Variants in KCNMA1 observed in about 807,000 individuals in gnomAD.
KCNMA1 encodes Calcium-activated potassium channel subunit alpha-1.
Under a neutral mutation model 140.0 loss-of-function variants are expected in KCNMA1, and 29 were observed. The observed-to-expected ratio is 0.21, with a 90% CI of 0.15 to 0.28. The LOEUF is 0.28. KCNMA1 is among the 10% of genes least tolerant of loss of function. The probability of loss-of-function intolerance (pLI) is 1.00; values close to 1 mark genes in which losing one functional copy is unlikely to be tolerated. For synonymous variants in KCNMA1, 612 were observed against 611.9 expected (o/e 1.00, Z 0.00); for missense variants, 880 against 1,602.2 (o/e 0.55, Z 7.70).
At chr10:76,983,756 A>C (rs2080307489) in intron 19 of KCNMA1, among the ~76,000 whole-genome samples, 1 of 151,954 alleles carries the variant, frequency 6.6e-6, no homozygotes, top group Non-Finnish European at 1.5e-5. Context: ...AAAATTTAAT[A>C]ATGAAAAACA....
intron 20 of KCNMA1, among the ~76,000 whole-genome samples, chr10:76,965,820 G>C (rs953160379): frequency 1.3e-5 from 2 of 152,038 alleles, no homozygotes; most frequent in African/African-American, 2.4e-5. Context: ...ATCCAGTCTC[G>C]GTAAACCTAG....
chr10:77,595,900 T>C (rs2080804260), intron 1 of KCNMA1, among the ~76,000 whole-genome samples: 1 of 152,176 alleles, frequency 6.6e-6, no homozygotes. Flanking sequence ...TCCATCCGCC[T>C]CGACCTCCCA....
chr10:76,876,852 C>T (rs2032481044), downstream of KCNMA1: 1 of 152,262 alleles, frequency 6.6e-6, no homozygotes, highest in African/African-American at 2.4e-5. Context: ...CCGAAGTTGA[C>T]ATTACTCGCT....
intron 1 of KCNMA1, among the ~76,000 whole-genome samples, chr10:77,614,547 A>C (rs1482262744): frequency 1.3e-5 from 2 of 152,166 alleles, no homozygotes; most frequent in Non-Finnish European, 1.5e-5. Flanking sequence ...AAATGCCATT[A>C]TTCTACCTGG....
At chr10:77,636,125 C>G in intron 1 of KCNMA1, 1 of 1,041,294 alleles carries the variant, frequency 9.6e-7, no homozygotes, top group Non-Finnish European at 1.3e-6. Flanking sequence ...GATTTCCCTT[C>G]CCTCCAAAAC....
At chr10:77,075,521 C>T (rs186061687) in intron 13 of KCNMA1, among the ~76,000 whole-genome samples, 8 of 152,312 alleles carry the variant, frequency 5.3e-5, no homozygotes, top group Admixed American at 1.3e-4. Context: ...CTCTCCTATC[C>T]GCATGTGCTA....
rs140000855 is a variant in KCNMA1 at position 77,555,620 on chromosome 10, G to A, written c.378+81645C>T. On this transcript the variant is annotated intron_variant, in intron 1 of 27. Transcript: ENST00000286628. ...TTCTCACAGCTTTAAACAGAGTCCT[G>A]TGCTGAAGTGTTCCAACACTCCAGC... is the stretch of plus-strand genomic sequence containing the variant. 3.3e-5 allele frequency among the ~76,000 whole-genome samples: 5 copies of A among 152,290 alleles called. No homozygotes were observed. In the East Asian group the frequency reaches 9.7e-4, roughly 29 times the overall value.
At chr10:77,561,224 T>C (rs117981753) in intron 1 of KCNMA1, among the ~76,000 whole-genome samples, 1 of 152,150 alleles carries the variant, frequency 6.6e-6, no homozygotes, top group Non-Finnish European at 1.5e-5. Context: ...ACACATTATC[T>C]CCCTGGATGG....
chr10:77,132,057 A>T (rs1354634713), intron 5 of KCNMA1, among the ~76,000 whole-genome samples: 1 of 152,126 alleles, frequency 6.6e-6, no homozygotes, highest in East Asian at 1.9e-4. Flanking sequence ...CAAGAAATGC[A>T]CATATTACAC....
At chr10:77,115,939 T>C (rs2045175911) in intron 6 of KCNMA1, among the ~76,000 whole-genome samples, 1 of 152,208 alleles carries the variant, frequency 6.6e-6, no homozygotes, top group African/African-American at 2.4e-5. Flanking sequence ...GTCTGAAATG[T>C]GAACCTTGCC....
At chr10:77,420,245 CT>C (rs2096838811) in intron 1 of KCNMA1, among the ~76,000 whole-genome samples, 1 of 152,228 alleles carries the variant, frequency 6.6e-6, no homozygotes, top group Admixed American at 6.5e-5. Context: ...CCTCTTTGCT[CT>C]CTGTAAGCCT....
chr10:76,923,015 T>A (rs574464017), intron 23 of KCNMA1, among the ~76,000 whole-genome samples: 1 of 152,274 alleles, frequency 6.6e-6, no homozygotes, highest in South Asian at 2.1e-4. Flanking sequence ...AACAGTGACA[T>A]TTTTAGCGGT....
At chr10:77,282,192 T>TA (rs1481532793) in intron 2 of KCNMA1, among the ~76,000 whole-genome samples, 1 of 152,200 alleles carries the variant, frequency 6.6e-6, no homozygotes, top group African/African-American at 2.4e-5. Flanking sequence ...CTGTATGTTT[T>TA]ACCCAACAGG....
chr10:76,874,109 A>T (rs1353533511), downstream of KCNMA1: 1 of 152,222 alleles, frequency 6.6e-6, no homozygotes, highest in Non-Finnish European at 1.5e-5. Flanking sequence ...ACTGAGAAGA[A>T]AACCCTAGAA....
chr10:77,165,175 C>T lies in KCNMA1; in HGVS notation c.808+18246G>A, dbSNP rs575046414. 7.9e-5 allele frequency among the ~76,000 whole-genome samples: 12 copies of T among 152,182 alleles called. No homozygotes were observed. The East Asian group carries it at 2.3e-3, about 29-fold the overall frequency. The stretch of plus-strand genomic sequence containing the variant: ...GCTCTATTATCCTCCACAGAAATGA[C>T]CTTTGGGACCCACCCAACGGTAGTC... On this transcript the variant is annotated intron_variant, in intron 5 of 27. Coordinates refer to ENST00000286628, the MANE Select transcript of KCNMA1 (RefSeq NM_001161352.2).
At position 77,119,258 on chromosome 10, in the gene KCNMA1, T is replaced by C. The variant is rs537814742; in HGVS notation, c.884+1715A>G. ...AAGTCAGAAAAAGATATTCAGATGG[T>C]CCATCATTTTCTCAAGTTCTAAAAC... On this transcript the variant is annotated intron_variant, in intron 6 of 27. Coordinates refer to ENST00000286628, the MANE Select transcript of KCNMA1 (RefSeq NM_001161352.2). Among the ~76,000 whole-genome samples the C allele has an allele frequency of 5.4e-4, 82 of 152,306 alleles. 1 individual carries two copies. Among genetic ancestry groups the C allele is most frequent in the African/African-American group, 1.9e-3 (81 of 41,568 alleles).
At chr10:77,136,914 T>C (rs928676117) in intron 5 of KCNMA1, among the ~76,000 whole-genome samples, 1 of 152,188 alleles carries the variant, frequency 6.6e-6, no homozygotes, top group Non-Finnish European at 1.5e-5. Context: ...CATGAGACCA[T>C]TGGCTCCAGG....
At chr10:77,573,253 T>G (rs372967500) in intron 1 of KCNMA1, among the ~76,000 whole-genome samples, 103 of 152,214 alleles carry the variant, frequency 6.8e-4, no homozygotes, top group African/African-American at 2.3e-3. Flanking sequence ...CATGAAACAG[T>G]TGATGGCCAG....
intron 18 of KCNMA1, among the ~76,000 whole-genome samples, chr10:77,010,358 T>G: frequency 6.6e-6 from 1 of 151,996 alleles, no homozygotes; most frequent in South Asian, 2.1e-4. Context: ...GAAGAAGGTC[T>G]TTGGATTCAT....
Sources: gnomAD v4.1 joint callset for allele counts (sites outside exome capture counted in the v4.1 genomes callset) on GRCh38, gnomAD v4.1.1 for gene constraint, MANE v1.5 for transcripts, NCBI Gene and HGNC (gene_info 2026-07-23, HGNC 2026-07-21) for gene names.